The following LIN28B variants were observed in gnomAD, a reference collection of about 807,000 sequenced individuals.
LIN28B encodes the protein protein lin-28 homolog B.
A neutral mutation model predicts 21.9 loss-of-function variants in LIN28B; 5 were observed. The observed-to-expected ratio is 0.23, with a 90% CI of 0.12 to 0.48. LIN28B has a LOEUF of 0.48. LIN28B is among the 20% of genes least tolerant of loss of function. LIN28B has a pLI of 0.98. For missense variants in LIN28B, 245 were observed against 310.5 expected, an observed-to-expected ratio of 0.79 and a Z score of 1.58; for synonymous variants, 109 against 111.3, an observed-to-expected ratio of 0.98 and a Z score of 0.13.
At chr6:104,955,162 C>T (rs1778269724), upstream of LIN28B, among the ~76,000 whole-genome samples, 1 of 152,070 alleles carries the variant, frequency 6.6e-6, no homozygotes, top group Admixed American at 6.6e-5. Flanking sequence ...CCTGTAATGC[C>T]ATCATTGAGA....
upstream of LIN28B, among the ~76,000 whole-genome samples, chr6:104,955,758 T>A (rs1187458081): frequency 1.3e-5 from 2 of 149,260 alleles, no homozygotes; most frequent in Non-Finnish European, 3.0e-5. Flanking sequence ...GTAAACTGCT[T>A]GTTTAAGAAA....
At chr6:105,004,998 C>T (rs1317574554) in intron 2 of LIN28B, among the ~76,000 whole-genome samples, 2 of 152,124 alleles carry the variant, frequency 1.3e-5, no homozygotes, top group African/African-American at 2.4e-5. Context: ...TATTTATTCT[C>T]CCAGGTTTTG....
At chr6:105,043,452 TA>T (rs1429987807) in intron 3 of LIN28B, among the ~76,000 whole-genome samples, 3 of 150,862 alleles carry the variant, frequency 2.0e-5, no homozygotes, top group Non-Finnish European at 4.4e-5. Flanking sequence ...TACCCTGGGA[TA>T]TGTTTGTTTG....
intron 2 of LIN28B, among the ~76,000 whole-genome samples, chr6:105,015,400 A>G (rs913019763): frequency 2.0e-5 from 3 of 151,774 alleles, no homozygotes; most frequent in Non-Finnish European, 4.4e-5. Context: ...TTTTATTTTT[A>G]TATATCTTTA....
Position 105,060,415 on chromosome 6 carries a change from C to T in LIN28B, c.384-17999C>T, listed in dbSNP as rs959610287. 2.0e-5 allele frequency among the ~76,000 whole-genome samples: 3 copies of T among 152,180 alleles called. No individual in the cohort carries two copies. In the East Asian group the frequency reaches 5.8e-4, roughly 29 times the overall value. ...AAGTTGTTGAGATTATAGGAGTGAGCCACTGTGCTTGACCTATAATTAATT... is the reference window on the plus strand; with the variant it reads ...AAGTTGTTGAGATTATAGGAGTGAGTCACTGTGCTTGACCTATAATTAATT... On this transcript the variant is annotated intron_variant, in intron 3 of 3. Coordinates refer to ENST00000345080, the MANE Select transcript of LIN28B (RefSeq NM_001004317.4).
intron 2 of LIN28B, among the ~76,000 whole-genome samples, chr6:104,967,214 C>T (rs2114583852): frequency 6.6e-6 from 1 of 152,142 alleles, no homozygotes; most frequent in South Asian, 2.1e-4. Flanking sequence ...GGTATTTTCT[C>T]ATGTGCTGTA....
chr6:105,076,637 C>G (rs1037813639), intron 3 of LIN28B, among the ~76,000 whole-genome samples: 22 of 151,936 alleles, frequency 1.4e-4, no homozygotes, highest in African/African-American at 5.3e-4. Flanking sequence ...GAGATGGAGT[C>G]TCACTCTGTC....
intron 2 of LIN28B, among the ~76,000 whole-genome samples, chr6:104,987,901 G>A (rs1398161497): frequency 1.3e-5 from 2 of 151,954 alleles, no homozygotes; most frequent in Admixed American, 6.6e-5. Context: ...CCACCACCAC[G>A]CTTGGCTAAT....
rs1772541026 is a variant in LIN28B, at chr6:105,081,492, T to C, written c.*2709T>C. On this transcript the variant is annotated 3_prime_UTR_variant, in exon 4 of 4. Transcript: ENST00000345080. ...ATGTATGCTGTTCCAGCCTTACAGG[T>C]GGCTGATAATTCTCTGGTACAGAAC... 6.5e-6 allele frequency: 1 copy of C among 152,736 alleles called. No individual in the cohort carries two copies. The highest frequency in any genetic ancestry group is 1.9e-4 in the East Asian group (1 of 5,186). 9.5% of individuals were successfully genotyped at this position (152,736 alleles called of 1,614,324 possible).
chr6:105,015,328 T>C (rs1771005690), intron 2 of LIN28B, among the ~76,000 whole-genome samples: 1 of 152,180 alleles, frequency 6.6e-6, no homozygotes, highest in Admixed American at 6.5e-5. Flanking sequence ...CTACTTTTAG[T>C]AATATAACAC....
chr6:104,963,207 C>T (rs903809873), intron 2 of LIN28B, among the ~76,000 whole-genome samples: 20 of 152,154 alleles, frequency 1.3e-4, no homozygotes, highest in East Asian at 7.7e-4. Flanking sequence ...CCACCACGCC[C>T]GGCTAATTTT....
chr6:105,079,089 G>T lies in LIN28B; in HGVS notation c.*306G>T. On this transcript the variant is annotated 3_prime_UTR_variant, in exon 4 of 4. Transcript: ENST00000345080. ...AGGAATGTAGACACATATATAAAGA[G>T]GCTTTGTCTTTATATATTTGTGTAT... 1 of 236,328 alleles carries T rather than the reference G, an allele frequency of 4.2e-6. No individual in the cohort carries two copies. Among genetic ancestry groups the T allele is most frequent in the Non-Finnish European group, 8.2e-6 (1 of 121,260 alleles). The allele number at this position is 236,328 out of a possible 1,614,324, so 14.6% of individuals were successfully genotyped here.
At chr6:104,977,594 C>T (rs148155937) in intron 2 of LIN28B, among the ~76,000 whole-genome samples, 92 of 151,900 alleles carry the variant, frequency 6.1e-4, no homozygotes, top group African/African-American at 2.1e-3. Context: ...TTGAGACAGA[C>T]GATCACTCTG....
Position 105,043,273 on chromosome 6 carries a change from T to G in LIN28B, c.383+16791T>G, listed in dbSNP as rs552716199. ...GAAACCCCATCTAAAAATACTAAAA[T>G]TAGCCGGGCATAGTGGCGCACGCCT... On this transcript the variant is annotated intron_variant, in intron 3 of 3. Coordinates refer to ENST00000345080, the MANE Select transcript of LIN28B (RefSeq NM_001004317.4). 2.3e-5 allele frequency among the ~76,000 whole-genome samples: 3 copies of G among 131,028 alleles called. 1 individual carries two copies. The South Asian group carries it at 6.9e-4, about 30-fold the overall frequency. The allele number at this position is 131,028 out of a possible 152,430, so 86.0% of individuals were successfully genotyped here. A position where few individuals can be genotyped will look rare whatever the true frequency, so the allele number is the denominator to read the frequency against.
intron 2 of LIN28B, among the ~76,000 whole-genome samples, chr6:104,975,132 A>G (rs1562078133): frequency 6.6e-6 from 1 of 152,076 alleles, no homozygotes; most frequent in Non-Finnish European, 1.5e-5. Context: ...GGATATTTTG[A>G]AATTTTTGAA....
chr6:105,020,878 G>A (rs990579853), intron 2 of LIN28B, among the ~76,000 whole-genome samples: 1 of 149,136 alleles, frequency 6.7e-6, no homozygotes, highest in African/African-American at 2.5e-5. Flanking sequence ...TCAGCTTCCC[G>A]AGTAGCTGGG....
chr6:104,952,992 A>G (rs1385308783), upstream of LIN28B, among the ~76,000 whole-genome samples: 1 of 152,184 alleles, frequency 6.6e-6, no homozygotes, highest in Non-Finnish European at 1.5e-5. Flanking sequence ...TGCAAGACCC[A>G]AGCACCCAGT....
intron 2 of LIN28B, among the ~76,000 whole-genome samples, chr6:104,991,881 T>G (rs1770489929): frequency 6.6e-6 from 1 of 151,918 alleles, no homozygotes; most frequent in African/African-American, 2.4e-5. Flanking sequence ...GGTGGCGGCG[T>G]GCGCCTGCAA....
At chr6:104,982,691 G>A (rs1441280160) in intron 2 of LIN28B, among the ~76,000 whole-genome samples, 2 of 152,122 alleles carry the variant, frequency 1.3e-5, no homozygotes, top group Non-Finnish European at 2.9e-5. Flanking sequence ...GGAAATTATT[G>A]GCTGACGGTA....
Sources: gnomAD v4.1 joint callset for allele counts (sites outside exome capture counted in the v4.1 genomes callset) on GRCh38, gnomAD v4.1.1 for gene constraint, MANE v1.5 for transcripts, NCBI Gene and HGNC (gene_info 2026-07-23, HGNC 2026-07-21) for gene names.